Variants in PRC1 observed in about 807,000 individuals in gnomAD.
PRC1 encodes the protein anaphase spindle elongation 1 homolog.
Under a neutral mutation model 91.2 loss-of-function variants are expected in PRC1, and 54 were observed. That is an observed-to-expected ratio of 0.59 (90% CI 0.48 to 0.74). PRC1 has a LOEUF of 0.74. PRC1 is among the 30% of genes least tolerant of loss of function. PRC1 has a pLI of 0.00. For missense variants in PRC1, 727 were observed against 746.2 expected (o/e 0.97, Z 0.30); for synonymous variants, 275 against 263.6 (o/e 1.04, Z -0.42).
chr15:90,979,790 T>C (rs1215031449), intron 7 of PRC1, among the ~76,000 whole-genome samples: 1 of 152,248 alleles, frequency 6.6e-6, no homozygotes, highest in East Asian at 1.9e-4. Context: ...TCAGCATTTA[T>C]GTGCTTTAGT....
intron 8 of PRC1, 75 bp from the exon 9 acceptor site, chr15:90,976,846 T>C (rs2038745032): frequency 1.1e-5 from 14 of 1,300,588 alleles, no homozygotes; most frequent in Non-Finnish European, 1.3e-5. Context: ...GATTCTTTGT[T>C]CTCGCCAGGC....
At chr15:90,979,128 C>CA (rs1224228112) in intron 8 of PRC1, 30 bp downstream of exon 8, 1 of 1,601,812 alleles carries the variant, frequency 6.2e-7, no homozygotes, top group Non-Finnish European at 8.5e-7. Flanking sequence ...GCTTTCTTAA[C>CA]AGTTAAAAAC....
At chr15:90,980,779 T>TA (rs2039131684) in intron 6 of PRC1, 105 bp downstream of exon 6, 1 of 1,485,072 alleles carries the variant, frequency 6.7e-7, no homozygotes, top group African/African-American at 1.4e-5. Flanking sequence ...GTGCTGGGAT[T>TA]AGAGGCATGA....
chr15:90,966,415 A>T lies in PRC1; in HGVS notation c.*716T>A. Reference sequence around the variant, plus strand: ...GGCAACTGCGGGGGTAGAAGAACTCAGGCAAAGTAGGCACAGGAATGGGGG... The same window carrying T: ...GGCAACTGCGGGGGTAGAAGAACTCTGGCAAAGTAGGCACAGGAATGGGGG... On this transcript the variant is annotated 3_prime_UTR_variant, in exon 15 of 15. Transcript: ENST00000394249. 2.9e-6 allele frequency: 1 copy of T among 345,856 alleles called. No individual in the cohort carries two copies. Among genetic ancestry groups the T allele is most frequent in the Admixed American group, 3.5e-5 (1 of 28,782 alleles). 21.4% of individuals were successfully genotyped at this position (345,856 alleles called of 1,614,324 possible). A position where few individuals can be genotyped will look rare whatever the true frequency, so the allele number is the denominator to read the frequency against.
intron 11 of PRC1, chr15:90,973,928 G>C: frequency 1.9e-6 from 1 of 513,938 alleles, no homozygotes; most frequent in South Asian, 2.5e-5. Context: ...GACCGGTGCT[G>C]GTGCAGGTCC....
chr15:90,980,978 A>G lies in PRC1; in HGVS notation c.728T>C (p.Ile243Thr), dbSNP rs547936544. Residue 243 changes from isoleucine (I) to threonine (T), a missense_variant, in exon 6 of 15, where the codon ATC becomes ACC. By Grantham distance (89) the Ile-to-Thr change is moderately conservative. Transcript: ENST00000394249. ...TTGCAACCTGTCCCAGAGCTCTCGG[A>G]TTTGAGTACGCAGCCCCTCACACAC... ...EAVCEGLRTQ[I>T]RELWDRLQIP... 3.8e-5 allele frequency: 61 copies of G among 1,614,138 alleles called. No individual in the cohort carries two copies. In the East Asian group the frequency reaches 1.3e-3, roughly 34 times the overall value.
chr15:90,994,342 A>G (rs564212226), intron 1 of PRC1, 65 bp downstream of exon 1: 4 of 1,610,694 alleles, frequency 2.5e-6, no homozygotes, highest in East Asian at 2.2e-5. Flanking sequence ...ACCCCTGAAC[A>G]GGCCCCGCAG....
intron 1 of PRC1, among the ~76,000 whole-genome samples, chr15:90,988,806 T>C (rs1369120173): frequency 6.6e-6 from 1 of 152,150 alleles, no homozygotes; most frequent in Non-Finnish European, 1.5e-5. Context: ...TCACAGTAGT[T>C]GTTCAATAGA....
chr15:90,974,121 A>G lies in PRC1; in HGVS notation c.1461+15T>C, dbSNP rs1158703406. Reference sequence around the variant, plus strand: ...ACTCCCTTGAAATCAGTGTTTCCCTAAGCCTTGTGTTTACCTTACGTGCTT... The same window carrying G: ...ACTCCCTTGAAATCAGTGTTTCCCTGAGCCTTGTGTTTACCTTACGTGCTT... On this transcript the variant is annotated intron_variant, in intron 11 of 14. Transcript: ENST00000394249. This position sits in a 1 kb window ranked among gnomAD's most constrained non-coding sequence, Gnocchi z 4.6. 4.4e-6 allele frequency: 7 copies of G among 1,606,454 alleles called. No individual in the cohort carries two copies. Among genetic ancestry groups the G allele is most frequent in the Non-Finnish European group, 6.0e-6 (7 of 1,173,212 alleles).
At chr15:90,990,519 C>G (rs914625932) in intron 1 of PRC1, among the ~76,000 whole-genome samples, 2 of 151,444 alleles carry the variant, frequency 1.3e-5, no homozygotes, top group Non-Finnish European at 2.9e-5. Flanking sequence ...CGCCACCTTG[C>G]CTAGCCGAAA....
chr15:90,981,831 A>G lies in PRC1; in HGVS notation c.418T>C (p.Tyr140His), dbSNP rs1423907336. 2 of 1,614,222 alleles carry G rather than the reference A, an allele frequency of 1.2e-6. No individual in the cohort carries two copies. Among genetic ancestry groups the G allele is most frequent in the African/African-American group, 1.3e-5 (1 of 75,062 alleles). The change falls in exon 4 of 15, where the codon TAT becomes CAT. Residue 140 changes from tyrosine (Y) to histidine (H), a missense_variant. Transcript: ENST00000394249. ...GGCACTGAGGCACTGTCAATATCATAGTGGGGCATACAAAGAATTTCGCAC... is the reference window on the plus strand; with the variant it reads ...GGCACTGAGGCACTGTCAATATCATGGTGGGGCATACAAAGAATTTCGCAC... Reference protein sequence around the residue: ...ELCEILCMPHYDIDSASVPSL... With the variant: ...ELCEILCMPHHDIDSASVPSL...
chr15:90,989,625 C>T (rs1390170282), intron 1 of PRC1, among the ~76,000 whole-genome samples: 3 of 150,742 alleles, frequency 2.0e-5, no homozygotes, highest in East Asian at 2.0e-4. Context: ...CACATTTATA[C>T]AAAAACTACA....
chr15:90,984,260 G>T lies in PRC1; in HGVS notation c.145-120C>A. 2 of 1,350,952 alleles carry T rather than the reference G, an allele frequency of 1.5e-6. No homozygotes were observed. The highest frequency in any genetic ancestry group is 2.0e-6 in the Non-Finnish European group (2 of 993,032). 83.7% of individuals were successfully genotyped at this position (1,350,952 alleles called of 1,614,324 possible). A position where few individuals can be genotyped will look rare whatever the true frequency, so the allele number is the denominator to read the frequency against. Reference sequence around the variant, plus strand: ...CTTTTTTTCTTTGAGATGGAGTCTCGCTCTGTTGCCCAGGCTGGAGTGCAA... The same window carrying T: ...CTTTTTTTCTTTGAGATGGAGTCTCTCTCTGTTGCCCAGGCTGGAGTGCAA... On this transcript the variant is annotated intron_variant, in intron 2 of 14. Coordinates refer to ENST00000394249, the MANE Select transcript of PRC1 (RefSeq NM_003981.4). This position sits in a 1 kb window ranked among gnomAD's most constrained non-coding sequence, Gnocchi z 5.1.
In PRC1 at chr15:90,980,335, C is replaced by G; in HGVS notation, c.877G>C (p.Val293Leu). ...AGCTCCACTCGAATTGCCTCAATCA[C>G]TTTCTTCATGTTTTGCATTTTCAGT... ...EELKMQNMKK[V>L]IEAIRVELVQ... The change falls in exon 7 of 15, where the codon GTG (valine) becomes CTG (leucine). Residue 293 changes from valine (V) to leucine (L), a missense_variant. By Grantham distance (32) the Val-to-Leu change is conservative. Transcript: ENST00000394249. 9 of 1,614,146 alleles carry G rather than the reference C, an allele frequency of 5.6e-6. No homozygotes were observed. The highest frequency in any genetic ancestry group is 7.6e-6 in the Non-Finnish European group (9 of 1,180,024).
Position 90,966,225 on chromosome 15 carries a change from AAT to A in PRC1, c.*904_*905del. On this transcript the variant is annotated 3_prime_UTR_variant, in exon 15 of 15. Transcript: ENST00000394249. Reference sequence around the variant, plus strand: ...GCAGGCAGACAGCGGAAGAATAAATAATAGTGCTTCAAGAAGAGTAGTGATTG... The same window carrying A: ...GCAGGCAGACAGCGGAAGAATAAATAAGTGCTTCAAGAAGAGTAGTGATTG... The A allele has an allele frequency of 4.9e-6, 1 of 205,620 alleles. No homozygotes were observed. The highest frequency in any genetic ancestry group is 1.3e-4 in the East Asian group (1 of 7,866). 12.7% of individuals were successfully genotyped at this position (205,620 alleles called of 1,614,324 possible). A position where few individuals can be genotyped will look rare whatever the true frequency, so the allele number is the denominator to read the frequency against.
rs1260299253 is a variant in PRC1, at chr15:90,966,501, T to A, written c.*630A>T. ...TCCGACAAGCATGTGTGTTCATACA[T>A]GCATACCCCCAACAAAGGGCAATGC... On this transcript the variant is annotated 3_prime_UTR_variant, in exon 15 of 15. Transcript: ENST00000394249. 4 of 450,838 alleles carry A rather than the reference T, an allele frequency of 8.9e-6. No homozygotes were observed. Among genetic ancestry groups the A allele is most frequent in the Non-Finnish European group, 1.8e-5 (4 of 223,238 alleles). 27.9% of individuals were successfully genotyped at this position (450,838 alleles called of 1,614,324 possible).
In PRC1 at chr15:90,969,162, A is replaced by G. The variant is rs376787378; in HGVS notation, c.1750-42T>C. The G allele has an allele frequency of 2.5e-6, 4 of 1,572,920 alleles. No individual in the cohort carries two copies. In the African/African-American group the frequency reaches 5.4e-5, roughly 21 times the overall value. On this transcript the variant is annotated intron_variant, in intron 13 of 14. Transcript: ENST00000394249. ...AAGACAATTACCAAGAACTCCACCA[A>G]GAGAGCACCAGGACAGTGATAGAGG...
chr15:90,969,738 C>A, intron 12 of PRC1, 115 bp from the exon 13 acceptor site: 2 of 521,386 alleles, frequency 3.8e-6, no homozygotes, highest in Non-Finnish European at 5.8e-6. Flanking sequence ...GTCTATAATC[C>A]TATACTTTTT....
At position 90,966,211 on chromosome 15, in the gene PRC1, G is replaced by A; in HGVS notation, c.*920C>T. On this transcript the variant is annotated 3_prime_UTR_variant, in exon 15 of 15. Transcript: ENST00000394249. ...ACAGTAGTACTGCTGCAGGCAGACA[G>A]CGGAAGAATAAATAATAGTGCTTCA... 5.1e-6 allele frequency: 1 copy of A among 197,718 alleles called. No individual in the cohort carries two copies. Among genetic ancestry groups the A allele is most frequent in the South Asian group, 8.9e-5 (1 of 11,174 alleles). The allele number at this position is 197,718 out of a possible 1,614,324, so 12.2% of individuals were successfully genotyped here.
Sources: allele counts gnomAD v4.1 joint callset (sites outside exome capture counted in the v4.1 genomes callset), GRCh38; gene constraint gnomAD v4.1.1; non-coding constraint Gnocchi (gnomAD v3.1); transcripts MANE v1.5; gene names NCBI Gene and HGNC (gene_info 2026-07-23, HGNC 2026-07-21).